PARD3B: variants seen among roughly 807,000 people sequenced by gnomAD.
The protein encoded by PARD3B is partitioning defective 3 homolog B.
In PARD3B, 103 loss-of-function variants were observed where a neutral mutation model predicts 130.2. The observed-to-expected ratio is 0.79, with a 90% CI of 0.67 to 0.93. The LOEUF is 0.93. PARD3B is among the 40% of genes least tolerant of loss of function. The pLI, the probability that PARD3B is intolerant of heterozygous loss-of-function variation, is 0.00. For missense variants in PARD3B, 1,609 were observed against 1,499.2 expected (o/e 1.07, Z -1.21); for synonymous variants, 583 against 553.2 (o/e 1.05, Z -0.76).
At chr2:204,763,729 G>C (rs2041010625) in intron 2 of PARD3B, among the ~76,000 whole-genome samples, 1 of 152,108 alleles carries the variant, frequency 6.6e-6, no homozygotes, top group African/African-American at 2.4e-5. Context: ...GCACTATCAA[G>C]GATAATTCTC....
intron 10 of PARD3B, among the ~76,000 whole-genome samples, chr2:205,156,387 A>G (rs186151984): frequency 1.3e-5 from 2 of 151,926 alleles, no homozygotes; most frequent in East Asian, 1.9e-4. Flanking sequence ...CATTGTGCAC[A>G]TGTACCCTAA....
In PARD3B at chr2:205,463,427, C is replaced by T. The variant is rs541113401; in HGVS notation, c.3044+22755C>T. On this transcript the variant is annotated intron_variant, in intron 20 of 22. Transcript: ENST00000406610. This position sits in a 1 kb window ranked among gnomAD's most constrained non-coding sequence, Gnocchi z 4.8. Reference sequence around the variant, plus strand: ...ATGTTAGTGTTAACATTTCACTGCACATTAATTCTTTAAAAAAAAAAAAAA... The same window carrying T: ...ATGTTAGTGTTAACATTTCACTGCATATTAATTCTTTAAAAAAAAAAAAAA... Among the ~76,000 whole-genome samples the T allele has an allele frequency of 8.8e-6, 1 of 113,984 alleles. No individual in the cohort carries two copies. Among genetic ancestry groups the T allele is most frequent in the South Asian group, 3.1e-4 (1 of 3,178 alleles). The allele number at this position is 113,984 out of a possible 152,430, so 74.8% of individuals were successfully genotyped here.
At chr2:205,363,628 C>A (rs573758021) in intron 18 of PARD3B, among the ~76,000 whole-genome samples, 1 of 152,090 alleles carries the variant, frequency 6.6e-6, no homozygotes. Context: ...GTAACACATG[C>A]CTCTTTCTTT....
chr2:205,417,981 T>G (rs1277412090), intron 19 of PARD3B, among the ~76,000 whole-genome samples: 1 of 152,234 alleles, frequency 6.6e-6, no homozygotes, highest in East Asian at 1.9e-4. Context: ...TCATCTTGTA[T>G]TCTCTTGTGT....
intron 2 of PARD3B, among the ~76,000 whole-genome samples, chr2:204,720,050 C>T (rs2038923289): frequency 7.1e-6 from 1 of 141,084 alleles, no homozygotes; most frequent in Non-Finnish European, 1.5e-5. Flanking sequence ...CATGACATTG[C>T]TGTCTTTATG....
chr2:205,333,596 G>A (rs1280746017), intron 18 of PARD3B, among the ~76,000 whole-genome samples: 4 of 152,196 alleles, frequency 2.6e-5, no homozygotes, highest in East Asian at 3.9e-4. Flanking sequence ...TTCCTCTTTT[G>A]TTTGTTTATC....
At chr2:204,775,859 AT>A (rs1361357089) in intron 2 of PARD3B, among the ~76,000 whole-genome samples, 1 of 152,042 alleles carries the variant, frequency 6.6e-6, no homozygotes, top group Non-Finnish European at 1.5e-5. Flanking sequence ...AGGGAGGCTA[AT>A]TTTTTCTATT....
At chr2:205,378,840 C>G (rs541130730) in intron 18 of PARD3B, among the ~76,000 whole-genome samples, 222 of 152,010 alleles carry the variant, frequency 1.5e-3, no homozygotes, top group African/African-American at 5.2e-3. Flanking sequence ...CTATGTTGGC[C>G]AGGATGGTCT....
chr2:204,829,247 T>A (rs2043713185), intron 2 of PARD3B, among the ~76,000 whole-genome samples: 1 of 152,250 alleles, frequency 6.6e-6, no homozygotes, highest in African/African-American at 2.4e-5. Flanking sequence ...ATTTACTGAA[T>A]GACTATTATG....
At chr2:204,716,724 G>A (rs987921556) in intron 2 of PARD3B, among the ~76,000 whole-genome samples, 3 of 149,830 alleles carry the variant, frequency 2.0e-5, no homozygotes, top group South Asian at 4.2e-4. Flanking sequence ...CTGGGTTCAC[G>A]CCATTCTCCT....
chr2:204,771,619 CAT>C (rs1462332543), intron 2 of PARD3B, among the ~76,000 whole-genome samples: 4 of 152,056 alleles, frequency 2.6e-5, no homozygotes, highest in Admixed American at 6.6e-5. Flanking sequence ...ACATCAGCAT[CAT>C]GCAATACCCA....
At chr2:204,866,534 T>C (rs935785415) in intron 2 of PARD3B, among the ~76,000 whole-genome samples, 3 of 152,044 alleles carry the variant, frequency 2.0e-5, no homozygotes, top group Admixed American at 6.6e-5. Context: ...CTCCTACTTA[T>C]TAGGTGCCAG....
chr2:204,686,496 G>A (rs2037093626), intron 2 of PARD3B, among the ~76,000 whole-genome samples: 1 of 152,186 alleles, frequency 6.6e-6, no homozygotes, highest in South Asian at 2.1e-4. Flanking sequence ...GGCCTAATTA[G>A]CAGACACTTC....
intron 10 of PARD3B, among the ~76,000 whole-genome samples, chr2:205,132,989 A>G (rs2032150131): frequency 6.6e-6 from 1 of 152,170 alleles, no homozygotes; most frequent in South Asian, 2.1e-4. Context: ...CGTATTACTA[A>G]ATGAGCCATT....
At chr2:204,903,843 C>A (rs914358295) in intron 2 of PARD3B, among the ~76,000 whole-genome samples, 10 of 152,280 alleles carry the variant, frequency 6.6e-5, no homozygotes, top group Non-Finnish European at 1.3e-4. Context: ...GATGTATTTT[C>A]AGTTTCTATA....
intron 1 of PARD3B, among the ~76,000 whole-genome samples, chr2:204,572,370 T>C (rs1172364009): frequency 1.3e-5 from 2 of 152,074 alleles, no homozygotes; most frequent in Non-Finnish European, 2.9e-5. Flanking sequence ...CAGACATTAT[T>C]GCAGAAAAGT....
At chr2:205,314,015 T>C (rs139165801) in intron 18 of PARD3B, among the ~76,000 whole-genome samples, 2 of 152,366 alleles carry the variant, frequency 1.3e-5, no homozygotes, top group East Asian at 3.9e-4. Context: ...CATATACATG[T>C]AAACATTCCT....
At chr2:205,593,481 C>G (rs1475662793) in intron 22 of PARD3B, among the ~76,000 whole-genome samples, 1 of 152,154 alleles carries the variant, frequency 6.6e-6, no homozygotes, top group Non-Finnish European at 1.5e-5. Context: ...GTTCACTAAA[C>G]CACACTTAAA....
intron 3 of PARD3B, among the ~76,000 whole-genome samples, chr2:204,997,247 A>C (rs1023705448): frequency 3.9e-5 from 6 of 152,168 alleles, no homozygotes; most frequent in African/African-American, 1.4e-4. Context: ...CTTCCACTTT[A>C]ATTTTAGAAC....
Sources: allele counts gnomAD v4.1 joint callset (sites outside exome capture counted in the v4.1 genomes callset), GRCh38; gene constraint gnomAD v4.1.1; non-coding constraint Gnocchi (gnomAD v3.1); transcripts MANE v1.5; gene names NCBI Gene and HGNC (gene_info 2026-07-23, HGNC 2026-07-21).